SPHKAP: variants seen among roughly 807,000 people sequenced by gnomAD.
The protein encoded by SPHKAP is A-kinase anchor protein SPHKAP.
In SPHKAP, 67 loss-of-function variants were observed where a neutral mutation model predicts 137.5. The ratio of observed to expected loss-of-function variants is 0.49; its 90% CI spans 0.40 to 0.60. SPHKAP has a LOEUF of 0.60. Ranked by LOEUF, SPHKAP falls within the 20% of genes least tolerant of loss-of-function variation. SPHKAP has a pLI of 0.00. For missense variants in SPHKAP, 2,097 were observed against 2,069.3 expected (o/e 1.01, Z -0.26); for synonymous variants, 813 against 785.3 (o/e 1.04, Z -0.59).
At chr2:227,994,987 T>C (rs1305147725) in intron 8 of SPHKAP, among the ~76,000 whole-genome samples, 1 of 152,198 alleles carries the variant, frequency 6.6e-6, no homozygotes, top group Non-Finnish European at 1.5e-5. Flanking sequence ...TTAGTTAATG[T>C]CTCCTGACTG....
chr2:228,032,771 C>T (rs1046829393), intron 3 of SPHKAP, among the ~76,000 whole-genome samples: 8 of 152,108 alleles, frequency 5.3e-5, no homozygotes, highest in African/African-American at 1.9e-4. Flanking sequence ...CATATCCAGC[C>T]AAACTAAGCT....
At chr2:228,131,702 T>A in intron 2 of SPHKAP, 1 of 746,292 alleles carries the variant, frequency 1.3e-6, no homozygotes, top group Non-Finnish European at 1.6e-6. Flanking sequence ...CAAGAAACTG[T>A]TATTCATGGC....
At chr2:227,995,460 A>G in intron 8 of SPHKAP, 49 bp downstream of exon 8, 3 of 1,606,102 alleles carry the variant, frequency 1.9e-6, no homozygotes, top group Non-Finnish European at 2.6e-6. Context: ...CATTTTTAGA[A>G]TCTGTGTTGA....
chr2:228,062,270 G>C (rs1696672450), intron 3 of SPHKAP, among the ~76,000 whole-genome samples: 1 of 151,724 alleles, frequency 6.6e-6, no homozygotes, highest in Non-Finnish European at 1.5e-5. Context: ...GACTACAGGG[G>C]GGTGCCACCA....
intron 3 of SPHKAP, among the ~76,000 whole-genome samples, chr2:228,100,998 C>G (rs1167639906): frequency 6.6e-6 from 1 of 152,162 alleles, no homozygotes; most frequent in Non-Finnish European, 1.5e-5. Flanking sequence ...TCAGCCCAAG[C>G]CGCTTTCTCT....
intron 11 of SPHKAP, among the ~76,000 whole-genome samples, chr2:227,986,057 G>A (rs1693197169): frequency 6.6e-6 from 1 of 152,126 alleles, no homozygotes; most frequent in Non-Finnish European, 1.5e-5. Context: ...ATTGGTTTGA[G>A]CATTGGAGTT....
chr2:228,115,312 G>A (rs952020143), intron 2 of SPHKAP, among the ~76,000 whole-genome samples: 3 of 152,004 alleles, frequency 2.0e-5, no homozygotes, highest in African/African-American at 7.2e-5. Flanking sequence ...TGGATTTCTT[G>A]CTGTCACCTT....
At chr2:228,042,730 G>T (rs767921207) in intron 3 of SPHKAP, among the ~76,000 whole-genome samples, 1 of 152,118 alleles carries the variant, frequency 6.6e-6, no homozygotes, top group African/African-American at 2.4e-5. Context: ...TTTACTTGGC[G>T]TAAGTATTTA....
intron 3 of SPHKAP, among the ~76,000 whole-genome samples, chr2:228,031,224 G>A (rs528633105): frequency 2.4e-4 from 36 of 152,326 alleles, no homozygotes; most frequent in South Asian, 4.1e-4. Context: ...ATTATATCCC[G>A]CACCTGGCTC....
At chr2:228,041,630 G>T (rs1053586166) in intron 3 of SPHKAP, among the ~76,000 whole-genome samples, 2 of 131,696 alleles carry the variant, frequency 1.5e-5, no homozygotes, top group African/African-American at 5.9e-5. Context: ...CTGGGTGACA[G>T]AGTCAGACTC....
At chr2:228,047,753 A>G (rs548764583) in intron 3 of SPHKAP, among the ~76,000 whole-genome samples, 1 of 151,968 alleles carries the variant, frequency 6.6e-6, no homozygotes, top group African/African-American at 2.4e-5. Context: ...AAACTAGTCT[A>G]ACTGTTTGAT....
At chr2:228,076,588 T>A (rs113136322) in intron 3 of SPHKAP, among the ~76,000 whole-genome samples, 1 of 152,124 alleles carries the variant, frequency 6.6e-6, no homozygotes, top group East Asian at 1.9e-4. Flanking sequence ...GCCCTAGAGA[T>A]TGGTGGAACT....
chr2:228,004,250 G>A (rs1325261227), intron 7 of SPHKAP, among the ~76,000 whole-genome samples: 1 of 152,108 alleles, frequency 6.6e-6, no homozygotes, highest in African/African-American at 2.4e-5. Flanking sequence ...CCTGTTATTG[G>A]TCTATTCAGA....
chr2:228,038,721 T>C (rs1177013828), intron 3 of SPHKAP, among the ~76,000 whole-genome samples: 1 of 152,230 alleles, frequency 6.6e-6, no homozygotes, highest in Non-Finnish European at 1.5e-5. Context: ...TGTCCATCAC[T>C]GGATTCCCAG....
intron 7 of SPHKAP, among the ~76,000 whole-genome samples, chr2:228,006,797 G>C (rs748614350): frequency 5.3e-5 from 8 of 152,192 alleles, no homozygotes; most frequent in Non-Finnish European, 1.0e-4. Context: ...GAGTTTGCTG[G>C]AGGTCCACTC....
chr2:228,056,583 C>CA (rs35406042), intron 3 of SPHKAP, among the ~76,000 whole-genome samples: 27,317 of 117,960 alleles, frequency 0.23, 2,773 homozygotes, highest in East Asian at 0.45. Flanking sequence ...AGTAAATGAG[C>CA]AAAAAAAAAA....
intron 3 of SPHKAP, among the ~76,000 whole-genome samples, chr2:228,059,220 T>C (rs1043666976): frequency 6.6e-6 from 1 of 152,202 alleles, no homozygotes; most frequent in Non-Finnish European, 1.5e-5. Flanking sequence ...TGCAGGTGTT[T>C]GCATGAGCAT....
chr2:228,108,808 A>G (rs1183035991), intron 3 of SPHKAP, 24 bp downstream of exon 3: 4 of 1,560,464 alleles, frequency 2.6e-6, no homozygotes, highest in Non-Finnish European at 3.5e-6. Context: ...ATCAGACAAC[A>G]TCCCAAGAAT....
At chr2:228,177,405 GC>G in intron 1 of SPHKAP, among the ~76,000 whole-genome samples, 1 of 152,216 alleles carries the variant, frequency 6.6e-6, no homozygotes, top group Middle Eastern at 3.4e-3. Context: ...CTCAGTGCTG[GC>G]CTTGAGGACA....
Sources: allele counts gnomAD v4.1 joint callset (sites outside exome capture counted in the v4.1 genomes callset), GRCh38; gene constraint gnomAD v4.1.1; transcripts MANE v1.5; gene names NCBI Gene and HGNC (gene_info 2026-07-23, HGNC 2026-07-21).